Variants in NVL observed in about 807,000 individuals in gnomAD.
NVL encodes nuclear valosin-containing protein-like.
NVL carries 84 observed loss-of-function variants against 110.2 expected under a neutral mutation model. That is an observed-to-expected ratio of 0.76 (90% confidence interval 0.64 to 0.91). The LOEUF is 0.91. Among genes scored for constraint, NVL ranks in the 40% least tolerant of loss-of-function variants. The pLI is 0.00. For missense variants in NVL, 882 were observed against 1,035.9 expected, an observed-to-expected ratio of 0.85 and a Z score of 2.04; for synonymous variants, 354 against 361.1, an observed-to-expected ratio of 0.98 and a Z score of 0.22.
intron 13 of NVL, 147 bp from the exon 14 acceptor site, chr1:224,288,140 C>T: frequency 1.6e-6 from 1 of 624,998 alleles, no homozygotes; most frequent in Non-Finnish European, 2.8e-6. Context: ...TTCTCTCTGA[C>T]ATGAGACAAG....
At chr1:224,323,809 G>A (rs530962067) in intron 2 of NVL, among the ~76,000 whole-genome samples, 5 of 152,186 alleles carry the variant, frequency 3.3e-5, no homozygotes, top group Non-Finnish European at 7.3e-5. Context: ...AGGGCATCAA[G>A]CCAAAGAGGA....
chr1:224,268,273 CTG>C (rs1664697751), intron 17 of NVL, 140 bp from the exon 18 acceptor site: 3 of 626,818 alleles, frequency 4.8e-6, no homozygotes, highest in African/African-American at 3.7e-5. Flanking sequence ...TATGCAGACA[CTG>C]TGCAAAATGT....
Position 224,325,812 on chromosome 1 carries a change from GA to G in NVL, c.131+578del, listed in dbSNP as rs1671090302. 5.9e-5 allele frequency among the ~76,000 whole-genome samples: 9 copies of G among 152,102 alleles called. No homozygotes were observed. The South Asian group carries it at 1.9e-3, about 32-fold the overall frequency. ...TAATTTTCTTTCTTTTTTGGGACAG[GA>G]TCTTATTCTGTCACTGAGGTTAGAG... On this transcript the variant is annotated intron_variant, in intron 2 of 22. Transcript: ENST00000281701.
intron 19 of NVL, among the ~76,000 whole-genome samples, chr1:224,240,921 G>T (rs949171735): frequency 6.6e-6 from 1 of 151,022 alleles, no homozygotes; most frequent in Non-Finnish European, 1.5e-5. Context: ...TTCCCAAGTA[G>T]CTGGGATTAC....
chr1:224,329,155 G>A (rs1671436150), intron 1 of NVL, among the ~76,000 whole-genome samples: 1 of 152,132 alleles, frequency 6.6e-6, no homozygotes, highest in Admixed American at 6.6e-5. Flanking sequence ...AGGGTGCAGT[G>A]AGTTATGATT....
At chr1:224,313,289 C>A in intron 4 of NVL, 1 of 151,302 alleles carries the variant, frequency 6.6e-6, no homozygotes, top group Non-Finnish European at 1.5e-5. Context: ...AAAGTTTTGC[C>A]TTACAACTCA....
At chr1:224,275,241 C>T (rs1665639045) in intron 17 of NVL, 98 bp downstream of exon 17, 4 of 1,382,376 alleles carry the variant, frequency 2.9e-6, no homozygotes, top group Non-Finnish European at 4.0e-6. Context: ...AGTCTCAATG[C>T]TCCCAAGGGA....
intron 5 of NVL, among the ~76,000 whole-genome samples, chr1:224,310,143 C>T (rs1404891950): frequency 7.2e-6 from 1 of 139,124 alleles, no homozygotes; most frequent in Non-Finnish European, 1.5e-5. Context: ...CACACCACTG[C>T]ACTTCAGCCT....
intron 15 of NVL, among the ~76,000 whole-genome samples, chr1:224,284,114 T>C (rs886613196): frequency 1.3e-5 from 2 of 152,106 alleles, no homozygotes; most frequent in South Asian, 2.1e-4. Context: ...GGGAAGACAG[T>C]TCTAATAAGC....
chr1:224,254,851 C>A (rs1040202392), intron 18 of NVL, among the ~76,000 whole-genome samples: 13 of 149,260 alleles, frequency 8.7e-5, no homozygotes, highest in East Asian at 5.9e-4. Context: ...TTTCAAGTAC[C>A]TTTTGGCTAC....
intron 12 of NVL, 133 bp downstream of exon 12, chr1:224,294,134 C>T (rs1667640235): frequency 2.0e-6 from 2 of 1,001,516 alleles, no homozygotes; most frequent in South Asian, 3.2e-5. Context: ...TTCTCCTTTT[C>T]CAAATCAATT....
chr1:224,265,035 G>A (rs921164996), intron 18 of NVL, among the ~76,000 whole-genome samples: 4 of 151,196 alleles, frequency 2.6e-5, no homozygotes, highest in Non-Finnish European at 4.4e-5. Flanking sequence ...GTGAGCCACC[G>A]TGCCCGGCCA....
intron 15 of NVL, 125 bp downstream of exon 15, chr1:224,285,901 G>T: frequency 1.6e-6 from 1 of 634,012 alleles, no homozygotes; most frequent in Non-Finnish European, 2.6e-6. Flanking sequence ...TGTCAGTTTT[G>T]CTAAAATAAA....
At chr1:224,321,755 C>A (rs1317574235) in intron 2 of NVL, among the ~76,000 whole-genome samples, 1 of 133,794 alleles carries the variant, frequency 7.5e-6, no homozygotes, top group African/African-American at 2.8e-5. Flanking sequence ...GATTCCACCT[C>A]AAAAAAAAAA....
At chr1:224,278,840 C>T (rs1666035809) in intron 16 of NVL, among the ~76,000 whole-genome samples, 1 of 152,056 alleles carries the variant, frequency 6.6e-6, no homozygotes, top group Non-Finnish European at 1.5e-5. Context: ...TCACGTGATC[C>T]TCCCACCTCA....
At chr1:224,261,168 C>T (rs1250458894) in intron 18 of NVL, among the ~76,000 whole-genome samples, 1 of 151,956 alleles carries the variant, frequency 6.6e-6, no homozygotes, top group East Asian at 1.9e-4. Flanking sequence ...GCCACTGCAC[C>T]TGGCCTAATT....
At position 224,308,246 on chromosome 1, in the gene NVL, G is replaced by A. The variant is rs1164862661; in HGVS notation, c.360C>T (p.Asn120=). ...TCCGATATAAAGACAGCAGGGAACT[G>A]TTCATGTGATTTGCTGACTGGCAGA... The part of the protein sequence containing the change: ...YPDPQSANHM[N]SSLLSLYRKG... Residue 120 remains asparagine (N), a synonymous_variant, in exon 6 of 23, where the codon AAC becomes AAT. Transcript: ENST00000281701. 1 of 1,598,556 alleles carries A rather than the reference G, an allele frequency of 6.3e-7. No individual in the cohort carries two copies. The highest frequency in any genetic ancestry group is 2.2e-5 in the East Asian group (1 of 44,678).
At chr1:224,252,521 A>C (rs560362098) in intron 18 of NVL, among the ~76,000 whole-genome samples, 9 of 152,306 alleles carry the variant, frequency 5.9e-5, no homozygotes, top group African/African-American at 2.2e-4. Context: ...CTCTACAAAG[A>C]GGTAAATTAT....
At chr1:224,231,329 A>C in intron 21 of NVL, 33 bp from the exon 22 acceptor site, 17 of 1,538,796 alleles carry the variant, frequency 1.1e-5, no homozygotes, top group African/African-American at 2.7e-5. Context: ...TACACATCTC[A>C]GTATCGTATG....
Sources: allele counts gnomAD v4.1 joint callset (sites outside exome capture counted in the v4.1 genomes callset), GRCh38; gene constraint gnomAD v4.1.1; transcripts MANE v1.5; gene names NCBI Gene and HGNC (gene_info 2026-07-23, HGNC 2026-07-21).